The following GRB2 variants were observed in gnomAD, a reference collection of about 807,000 sequenced individuals.
GRB2 encodes growth factor receptor bound protein 2.
Under a neutral mutation model 27.4 loss-of-function variants are expected in GRB2, and 2 were observed. The observed-to-expected ratio is 0.07, with a 90% CI of 0.03 to 0.23. GRB2 has a LOEUF of 0.23. GRB2 is among the 10% of genes least tolerant of loss of function. GRB2 has a pLI of 1.00. For missense variants in GRB2, 102 were observed against 282.4 expected (o/e 0.36, Z 4.58); for synonymous variants, 94 against 99.6 (o/e 0.94, Z 0.33).
intron 2 of GRB2, among the ~76,000 whole-genome samples, chr17:75,384,681 T>A (rs1183909376): frequency 6.6e-6 from 1 of 151,516 alleles, no homozygotes; most frequent in East Asian, 1.9e-4. Flanking sequence ...TAACATAACA[T>A]AACATAAAAT....
chr17:75,377,824 T>C (rs187519602), intron 2 of GRB2, among the ~76,000 whole-genome samples: 1 of 152,048 alleles, frequency 6.6e-6, no homozygotes, highest in Non-Finnish European at 1.5e-5. Flanking sequence ...GTAGAACTGC[T>C]TGAACCCGGG....
intron 2 of GRB2, among the ~76,000 whole-genome samples, chr17:75,360,452 A>C (rs2078772536): frequency 6.6e-6 from 1 of 152,214 alleles, no homozygotes; most frequent in African/African-American, 2.4e-5. Context: ...TAGTAACTGA[A>C]GTCACAAATA....
intron 1 of GRB2, chr17:75,394,758 G>A (rs2079019872): frequency 6.6e-6 from 1 of 152,216 alleles, no homozygotes; most frequent in Admixed American, 6.5e-5. Context: ...CAGTCACCCT[G>A]TGCACAGCTT....
intron 2 of GRB2, among the ~76,000 whole-genome samples, chr17:75,342,116 G>A (rs564551866): frequency 7.9e-5 from 12 of 152,186 alleles, no homozygotes; most frequent in Admixed American, 2.6e-4. Flanking sequence ...CAACCACCCT[G>A]GTCACCTTTC....
intron 2 of GRB2, among the ~76,000 whole-genome samples, chr17:75,389,504 T>A (rs894193520): frequency 6.6e-6 from 1 of 152,220 alleles, no homozygotes; most frequent in South Asian, 2.1e-4. Context: ...TTAACCTATA[T>A]GGGCCACCAT....
chr17:75,390,607 T>C (rs1418971924), intron 2 of GRB2, among the ~76,000 whole-genome samples: 1 of 152,212 alleles, frequency 6.6e-6, no homozygotes, highest in Non-Finnish European at 1.5e-5. Context: ...ACCATTCAAC[T>C]CTATTTTAGG....
At chr17:75,352,196 G>C (rs1000737947) in intron 2 of GRB2, among the ~76,000 whole-genome samples, 18 of 152,186 alleles carry the variant, frequency 1.2e-4, no homozygotes, top group African/African-American at 3.9e-4. Flanking sequence ...TTCACTGGGA[G>C]GGCTGGGGGG....
At chr17:75,341,631 C>T (rs1358099730) in intron 2 of GRB2, among the ~76,000 whole-genome samples, 2 of 151,882 alleles carry the variant, frequency 1.3e-5, no homozygotes, top group Non-Finnish European at 2.9e-5. Flanking sequence ...GACAAAGTCC[C>T]CAAACTCCAA....
At chr17:75,358,916 A>AATAAAT (rs1567866487) in intron 2 of GRB2, among the ~76,000 whole-genome samples, 1 of 78,538 alleles carries the variant, frequency 1.3e-5, no homozygotes, top group Non-Finnish European at 3.0e-5. Flanking sequence ...TATATATATA[A>AATAAAT]ATATATATAT....
intron 2 of GRB2, among the ~76,000 whole-genome samples, chr17:75,358,916 A>AATATAT (rs377204175): frequency 2.5e-5 from 2 of 78,538 alleles, no homozygotes; most frequent in Non-Finnish European, 6.1e-5. Flanking sequence ...TATATATATA[A>AATATAT]ATATATATAT....
chr17:75,401,565 T>C (rs145828490), intron 1 of GRB2, among the ~76,000 whole-genome samples: 1 of 152,008 alleles, frequency 6.6e-6, no homozygotes, highest in African/African-American at 2.4e-5. Context: ...ATTTTTACAA[T>C]AGGCATGTGT....
At chr17:75,368,054 A>C (rs1016407125) in intron 2 of GRB2, among the ~76,000 whole-genome samples, 2 of 151,862 alleles carry the variant, frequency 1.3e-5, no homozygotes, top group African/African-American at 2.4e-5. Flanking sequence ...AGCTGGGATT[A>C]CAGGCACTCG....
chr17:75,392,442 G>A (rs1476443791), intron 2 of GRB2, among the ~76,000 whole-genome samples: 1 of 152,102 alleles, frequency 6.6e-6, no homozygotes, highest in Admixed American at 6.6e-5. Flanking sequence ...AGAACTCTAC[G>A]CCTTGGGCAA....
chr17:75,400,184 C>T (rs998507703), intron 1 of GRB2, among the ~76,000 whole-genome samples: 1 of 151,494 alleles, frequency 6.6e-6, no homozygotes, highest in African/African-American at 2.4e-5. Flanking sequence ...ATACATACTC[C>T]TTTTTTTGAG....
At chr17:75,403,127 T>C (rs1377436573) in intron 1 of GRB2, among the ~76,000 whole-genome samples, 3 of 99,128 alleles carry the variant, frequency 3.0e-5, no homozygotes, top group African/African-American at 8.7e-5. Flanking sequence ...TTGGCACAAC[T>C]AGGAAAAAGG....
chr17:75,399,721 G>C (rs1217512671), intron 1 of GRB2, among the ~76,000 whole-genome samples: 1 of 150,658 alleles, frequency 6.6e-6, no homozygotes, highest in African/African-American at 2.4e-5. Context: ...GCCCAGGCTG[G>C]TGTAGTGACG....
At position 75,361,987 on chromosome 17, in the gene GRB2, A is replaced by G. The variant is rs139533519; in HGVS notation, c.79-29190T>C. 4.5e-3 allele frequency among the ~76,000 whole-genome samples: 690 copies of G among 152,282 alleles called. 1 individual carries two copies. The highest frequency in any genetic ancestry group is 0.016 in the African/African-American group (651 of 41,542). ...AACCACTAGGCTCTCCAATACAAGG[A>G]AAGTATGTAAAGCACTGCTTGTATT... On this transcript the variant is annotated intron_variant, in intron 2 of 5. Coordinates refer to ENST00000316804, the MANE Select transcript of GRB2 (RefSeq NM_002086.5).
intron 2 of GRB2, among the ~76,000 whole-genome samples, chr17:75,377,407 G>C (rs1432987018): frequency 1.3e-5 from 2 of 151,760 alleles, no homozygotes; most frequent in African/African-American, 4.8e-5. Context: ...GACTGCTTGA[G>C]GCCATGAGTT....
chr17:75,328,139 C>T (rs1189517410), intron 3 of GRB2, among the ~76,000 whole-genome samples: 4 of 151,498 alleles, frequency 2.6e-5, no homozygotes, highest in Non-Finnish European at 5.9e-5. Flanking sequence ...GCCTGGCCAA[C>T]GTGGTGAAAC....
Sources: gnomAD v4.1 joint callset for allele counts (sites outside exome capture counted in the v4.1 genomes callset) on GRCh38, gnomAD v4.1.1 for gene constraint, MANE v1.5 for transcripts, NCBI Gene and HGNC (gene_info 2026-07-23, HGNC 2026-07-21) for gene names.